PTPN21: variants seen among roughly 807,000 people sequenced by gnomAD.
PTPN21 encodes protein tyrosine phosphatase non-receptor type 21, also known as tyrosine-protein phosphatase non-receptor type 21.
In PTPN21, 77 loss-of-function variants were observed where a neutral mutation model predicts 131.8. The observed-to-expected ratio is 0.58, with a 90% CI of 0.49 to 0.71. The LOEUF is 0.71. Ranked by LOEUF, PTPN21 falls within the 30% of genes least tolerant of loss-of-function variation. PTPN21 has a pLI of 0.00. For synonymous variants in PTPN21, 715 were observed against 621.3 expected, an observed-to-expected ratio of 1.15 and a Z score of -2.24; for missense variants, 1,552 against 1,527.1, an observed-to-expected ratio of 1.02 and a Z score of -0.27.
At chr14:88,487,689 TC>T (rs1253260835) in intron 10 of PTPN21, among the ~76,000 whole-genome samples, 1 of 152,136 alleles carries the variant, frequency 6.6e-6, no homozygotes, top group Non-Finnish European at 1.5e-5. Context: ...GATATTCCAT[TC>T]TTCCAGTATT....
intron 10 of PTPN21, among the ~76,000 whole-genome samples, chr14:88,490,097 C>T (rs921597310): frequency 6.6e-6 from 1 of 151,994 alleles, no homozygotes; most frequent in Non-Finnish European, 1.5e-5. Flanking sequence ...CAACCTCCAC[C>T]TCCCAGGCTC....
At chr14:88,539,729 C>G (rs543064562) in intron 2 of PTPN21, among the ~76,000 whole-genome samples, 45 of 151,612 alleles carry the variant, frequency 3.0e-4, no homozygotes, top group Non-Finnish European at 3.5e-4. Flanking sequence ...CCTAGCCAGG[C>G]ATTAGTTGTA....
chr14:88,520,481 A>G (rs1566841127), intron 2 of PTPN21, among the ~76,000 whole-genome samples: 1 of 152,160 alleles, frequency 6.6e-6, no homozygotes, highest in Admixed American at 6.5e-5. Flanking sequence ...ATTGTAATAT[A>G]TCTGAAAGGC....
chr14:88,509,888 T>C (rs1473539848), intron 3 of PTPN21, among the ~76,000 whole-genome samples: 1 of 152,002 alleles, frequency 6.6e-6, no homozygotes, highest in Non-Finnish European at 1.5e-5. Flanking sequence ...ATACAAAAAT[T>C]AGCCAGGCGT....
At chr14:88,491,181 T>G (rs1257601736) in intron 10 of PTPN21, among the ~76,000 whole-genome samples, 1 of 152,256 alleles carries the variant, frequency 6.6e-6, no homozygotes, top group Non-Finnish European at 1.5e-5. Flanking sequence ...TAACGATCAT[T>G]CTGTTATCTA....
chr14:88,491,592 A>G (rs1220276589), intron 10 of PTPN21, among the ~76,000 whole-genome samples: 1 of 152,258 alleles, frequency 6.6e-6, no homozygotes, highest in Non-Finnish European at 1.5e-5. Flanking sequence ...AAACATGGCC[A>G]TAACAATTAA....
chr14:88,547,459 G>A (rs2139364993), intron 2 of PTPN21: 3 of 261,094 alleles, frequency 1.1e-5, no homozygotes, highest in South Asian at 1.1e-4. Flanking sequence ...ACCAGCCTGG[G>A]CGACATAGCA....
intron 2 of PTPN21, among the ~76,000 whole-genome samples, chr14:88,526,707 T>A (rs1310383920): frequency 1.3e-5 from 2 of 152,138 alleles, no homozygotes; most frequent in African/African-American, 4.8e-5. Context: ...TTTGGTTACA[T>A]GAATACATTC....
chr14:88,518,255 A>AATATATAT, intron 2 of PTPN21, among the ~76,000 whole-genome samples: 135 of 18,652 alleles, frequency 7.2e-3, no homozygotes, highest in African/African-American at 0.022. Context: ...AAAAAAAAAA[A>AATATATAT]ATATATATAT....
intron 5 of PTPN21, among the ~76,000 whole-genome samples, chr14:88,504,962 A>G (rs1225127514): frequency 6.6e-6 from 1 of 152,204 alleles, no homozygotes; most frequent in African/African-American, 2.4e-5. Flanking sequence ...ACATTCCTCA[A>G]TATAATTTTG....
chr14:88,502,239 G>C (rs1395103682), intron 6 of PTPN21, among the ~76,000 whole-genome samples: 1 of 152,112 alleles, frequency 6.6e-6, no homozygotes, highest in Non-Finnish European at 1.5e-5. Context: ...CCCAAACTCT[G>C]CATCTCTTCA....
rs974315870 is a variant in PTPN21, at chr14:88,479,547, G to A, written c.1884C>T (p.Arg628=). The A allele has an allele frequency of 1.3e-6, 2 of 1,599,068 alleles. No individual in the cohort carries two copies. The highest frequency in any genetic ancestry group is 1.7e-6 in the Non-Finnish European group (2 of 1,178,918). ...QEVSEPLTAA[R]HAQLHKRNSI... ...TGTTCCGTTTGTGCAGCTGCGCGTG[G>A]CGCGCGGCGGTGAGGGGCTCGCTGA... is the stretch of plus-strand genomic sequence containing the variant. Residue 628 remains arginine (R), a synonymous_variant, in exon 13 of 19, where the codon CGC becomes CGT. Coordinates refer to ENST00000556564, the MANE Select transcript of PTPN21 (RefSeq NM_007039.4).
chr14:88,509,749 G>GA (rs1326822650), intron 3 of PTPN21, among the ~76,000 whole-genome samples: 1 of 152,152 alleles, frequency 6.6e-6, no homozygotes, highest in Non-Finnish European at 1.5e-5. Context: ...AAAAACACTA[G>GA]AAAGGGCTGG....
At chr14:88,483,861 G>A (rs2077690094) in intron 12 of PTPN21, among the ~76,000 whole-genome samples, 1 of 152,172 alleles carries the variant, frequency 6.6e-6, no homozygotes, top group Non-Finnish European at 1.5e-5. Context: ...TGTGCCAGGA[G>A]TGGTGGCTCA....
chr14:88,507,099 C>T (rs188097504), intron 4 of PTPN21, among the ~76,000 whole-genome samples: 1 of 151,842 alleles, frequency 6.6e-6, no homozygotes, highest in Admixed American at 6.6e-5. Flanking sequence ...TGTAAGCAAA[C>T]ACCACCTGTT....
At chr14:88,515,506 T>C (rs994011569) in intron 3 of PTPN21, 1 of 152,214 alleles carries the variant, frequency 6.6e-6, no homozygotes, top group Non-Finnish European at 1.5e-5. Flanking sequence ...CATTGTACCA[T>C]GACTTTATTG....
At chr14:88,497,673 G>T (rs890293433) in intron 8 of PTPN21, among the ~76,000 whole-genome samples, 1 of 152,122 alleles carries the variant, frequency 6.6e-6, no homozygotes, top group Admixed American at 6.6e-5. Flanking sequence ...CAGCTACTCG[G>T]GAGGCTGAGG....
At chr14:88,517,752 T>C (rs1361619277) in intron 2 of PTPN21, among the ~76,000 whole-genome samples, 7 of 125,754 alleles carry the variant, frequency 5.6e-5, no homozygotes, top group Non-Finnish European at 1.2e-4. Context: ...CGTGTGTATA[T>C]ACTAGTGTAT....
intron 10 of PTPN21, among the ~76,000 whole-genome samples, chr14:88,486,479 G>C (rs1425697132): frequency 6.6e-6 from 1 of 152,094 alleles, no homozygotes; most frequent in Non-Finnish European, 1.5e-5. Flanking sequence ...AGGAGTTCAA[G>C]ACCAGCCTAG....
Sources: gnomAD v4.1 joint callset for allele counts (sites outside exome capture counted in the v4.1 genomes callset) on GRCh38, gnomAD v4.1.1 for gene constraint, MANE v1.5 for transcripts, NCBI Gene and HGNC (gene_info 2026-07-23, HGNC 2026-07-21) for gene names.